LAMB1: variants seen among roughly 807,000 people sequenced by gnomAD.
LAMB1 encodes laminin subunit beta 1, also known as laminin subunit beta-1.
In LAMB1, 121 loss-of-function variants were observed where a neutral mutation model predicts 222.3. That is an observed-to-expected ratio of 0.54 (90% CI 0.47 to 0.63). LAMB1 has a LOEUF of 0.63. Ranked by LOEUF, LAMB1 falls within the 30% of genes least tolerant of loss-of-function variation. The pLI is 0.00. For synonymous variants in LAMB1, 794 were observed against 807.2 expected, an observed-to-expected ratio of 0.98 and a Z score of 0.28; for missense variants, 2,172 against 2,240.8, an observed-to-expected ratio of 0.97 and a Z score of 0.62.
rs74424122 is a variant in LAMB1, at chr7:107,961,537, C to T, written c.1985+12G>A. Reference sequence around the variant, plus strand: ...GAAGCCCGTTGAGCTGCCAAACCACCGTCACACTGACCTTGAGCCTGGTGA... The same window carrying T: ...GAAGCCCGTTGAGCTGCCAAACCACTGTCACACTGACCTTGAGCCTGGTGA... On this transcript the variant is annotated intron_variant, in intron 16 of 33. Transcript: ENST00000222399. 2,515 of 1,609,136 alleles carry T rather than the reference C, an allele frequency of 1.6e-3. 33 individuals carry two copies. The African/African-American group carries it at 0.03, about 19-fold the overall frequency.
At chr7:107,924,459 T>G (rs2032512247) in intron 32 of LAMB1, 70 bp from the exon 33 acceptor site, 7 of 1,235,632 alleles carry the variant, frequency 5.7e-6, no homozygotes, top group Non-Finnish European at 7.8e-6. Context: ...AGAGCAATAG[T>G]GTAATCATGG....
At chr7:107,930,311 G>GTTTTA (rs1175360530) in intron 29 of LAMB1, among the ~76,000 whole-genome samples, 2 of 152,192 alleles carry the variant, frequency 1.3e-5, no homozygotes, top group Non-Finnish European at 2.9e-5. Context: ...CTTTGCTTAT[G>GTTTTA]TTTTAAACTA....
rs753343053 is a variant in LAMB1, at chr7:107,929,513, A to G, written c.4644T>C (p.Arg1548=). ...CTTGAGAAAGGCTTTCAACTCGTTC[A>G]CGTATATCTTCTGTCAAGTTCTGTA... The part of the protein sequence containing the change: ...QQLQNLTEDI[R]ERVESLSQVE... The change falls in exon 30 of 34, where the codon CGT becomes CGC. Residue 1548 remains arginine (R), a synonymous_variant. Transcript: ENST00000222399. 1 of 1,614,110 alleles carries G rather than the reference A, an allele frequency of 6.2e-7. No homozygotes were observed. The highest frequency in any genetic ancestry group is 1.1e-5 in the South Asian group (1 of 91,074).
intron 5 of LAMB1, among the ~76,000 whole-genome samples, chr7:107,987,001 A>T (rs185697544): frequency 6.6e-6 from 1 of 152,356 alleles, no homozygotes; most frequent in Non-Finnish European, 1.5e-5. Flanking sequence ...TTGTACATGA[A>T]TGTTCACCAC....
rs1406458836 is a variant in LAMB1 at position 107,953,722 on chromosome 7, A to G, written c.2887T>C (p.Phe963Leu). Residue 963 changes from phenylalanine (F) to leucine (L), a missense_variant, in exon 22 of 34, where the codon TTT (phenylalanine) becomes CTT (leucine). By Grantham distance (22) the Phe-to-Leu change is conservative (BLOSUM62 0). Transcript: ENST00000222399. The stretch of plus-strand genomic sequence containing the variant: ...CCCCCAACTTCTGATGGATTGCCAA[A>G]GTATCCTGAGGCACAGTCGTCACAT... ...SRCDDCASGY[F>L]GNPSEVGGSC... 1.9e-6 allele frequency: 3 copies of G among 1,614,068 alleles called. No individual in the cohort carries two copies. Among genetic ancestry groups the G allele is most frequent in the African/African-American group, 1.3e-5 (1 of 74,926 alleles).
intron 17 of LAMB1, among the ~76,000 whole-genome samples, chr7:107,960,859 G>T (rs1429027991): frequency 5.9e-5 from 9 of 152,142 alleles, no homozygotes; most frequent in Non-Finnish European, 1.3e-4. Flanking sequence ...GCTTTTAAAT[G>T]CTATTTATTT....
intron 5 of LAMB1, among the ~76,000 whole-genome samples, chr7:107,992,761 G>A (rs2034209558): frequency 6.6e-6 from 1 of 152,146 alleles, no homozygotes; most frequent in Admixed American, 6.5e-5. Flanking sequence ...CAGGTGTGGT[G>A]GCATGTGCCT....
At chr7:107,933,300 C>A (rs992568328) in intron 27 of LAMB1, among the ~76,000 whole-genome samples, 1 of 152,134 alleles carries the variant, frequency 6.6e-6, no homozygotes, top group East Asian at 1.9e-4. Flanking sequence ...AAGGAGTTAA[C>A]AGAATATTCC....
At chr7:108,001,824 C>T (rs762227087) in intron 2 of LAMB1, 91 bp from the exon 3 acceptor site, 5 of 1,559,264 alleles carry the variant, frequency 3.2e-6, no homozygotes, top group South Asian at 1.2e-5. Context: ...GGAGTGGGTG[C>T]GGAGAGAGGA....
Position 107,959,815 on chromosome 7 carries a change from C to G in LAMB1, c.2334G>C (p.Gln778His), listed in dbSNP as rs2033458370. Residue 778 changes from glutamine to histidine, a missense_variant, in exon 19 of 34, where the codon CAG (glutamine) becomes CAC (histidine). Coordinates refer to ENST00000222399, the MANE Select transcript of LAMB1 (RefSeq NM_002291.3). The stretch of plus-strand genomic sequence containing the variant: ...GATCACACACGGAACTTAACGAACC[C>G]TGAGGGTCGCATTCACAAGCTGTGG... ...QTGLACECDP[Q>H]GSLSSVCDPN... 1.2e-6 allele frequency: 2 copies of G among 1,613,274 alleles called. No homozygotes were observed. The highest frequency in any genetic ancestry group is 2.2e-5 in the South Asian group (2 of 90,858).
chr7:107,949,167 A>G (rs1432670710), intron 24 of LAMB1, among the ~76,000 whole-genome samples: 2 of 152,234 alleles, frequency 1.3e-5, no homozygotes, highest in African/African-American at 2.4e-5. Context: ...TTTTGACCCA[A>G]ACAAGTTGAC....
At chr7:107,971,498 GACA>G (rs2033748260) in intron 13 of LAMB1, among the ~76,000 whole-genome samples, 2 of 152,180 alleles carry the variant, frequency 1.3e-5, no homozygotes, top group African/African-American at 2.4e-5. Context: ...CCTCTTGAGG[GACA>G]ACAACTTTGA....
At chr7:107,982,867 C>T (rs1156528490) in intron 7 of LAMB1, among the ~76,000 whole-genome samples, 2 of 152,092 alleles carry the variant, frequency 1.3e-5, no homozygotes, top group Non-Finnish European at 2.9e-5. Flanking sequence ...TGCATGCTTC[C>T]GTAACATAGA....
chr7:107,977,322 C>T (rs1429223611), intron 9 of LAMB1, among the ~76,000 whole-genome samples: 4 of 152,152 alleles, frequency 2.6e-5, no homozygotes, highest in East Asian at 3.9e-4. Flanking sequence ...GTGGTGTTGC[C>T]GGCTACATCT....
chr7:107,937,211 G>T lies in LAMB1; in HGVS notation c.3828C>A (p.Ser1276=), dbSNP rs1434485484. The T allele has an allele frequency of 6.2e-7, 1 of 1,613,932 alleles. No individual in the cohort carries two copies. Among genetic ancestry groups the T allele is most frequent in the South Asian group, 1.1e-5 (1 of 91,080 alleles). ...QVEVKLSDTT[S]QSNSTAKELD... is the part of the protein sequence containing the mutation. Reference sequence around the variant, plus strand: ...GTTCTTTGGCTGTGCTGTTGCTTTGGGAAGTTGTGTCAGATAATTTCACTT... The same window carrying T: ...GTTCTTTGGCTGTGCTGTTGCTTTGTGAAGTTGTGTCAGATAATTTCACTT... The change falls in exon 26 of 34, where the codon TCC becomes TCA. Residue 1276 remains serine (S), a synonymous_variant. Coordinates refer to ENST00000222399, the MANE Select transcript of LAMB1 (RefSeq NM_002291.3).
chr7:107,938,004 G>GGT (rs1200712925), intron 25 of LAMB1, among the ~76,000 whole-genome samples: 1 of 152,084 alleles, frequency 6.6e-6, no homozygotes, highest in Non-Finnish European at 1.5e-5. Context: ...TGTGGATATG[G>GGT]GTGTGTGTGT....
At position 107,968,403 on chromosome 7, in the gene LAMB1, C is replaced by G. The variant is rs145824182; in HGVS notation, c.1563-3716G>C. 6.3e-4 allele frequency among the ~76,000 whole-genome samples: 96 copies of G among 152,266 alleles called. 1 individual carries two copies. The East Asian group carries it at 0.018, about 29-fold the overall frequency. On this transcript the variant is annotated intron_variant, in intron 13 of 33. Coordinates refer to ENST00000222399, the MANE Select transcript of LAMB1 (RefSeq NM_002291.3). ...CTGTGTGAGGCAGAATAATGGCCCC[C>G]AAAGATGTCCACATCCTCATCCCTG...
intron 3 of LAMB1, among the ~76,000 whole-genome samples, chr7:108,000,757 G>A (rs190407239): frequency 6.6e-6 from 1 of 152,290 alleles, no homozygotes; most frequent in East Asian, 1.9e-4. Flanking sequence ...GTCCAGGCTG[G>A]TCTTGAACAC....
chr7:107,951,370 C>T, intron 23 of LAMB1, 48 bp from the exon 24 acceptor site: 2 of 1,550,960 alleles, frequency 1.3e-6, no homozygotes, highest in Non-Finnish European at 1.8e-6. Context: ...AGGCCAGAAG[C>T]CAGTTGTCAT....
Sources: allele counts gnomAD v4.1 joint callset (sites outside exome capture counted in the v4.1 genomes callset), GRCh38; gene constraint gnomAD v4.1.1; transcripts MANE v1.5; gene names NCBI Gene and HGNC (gene_info 2026-07-23, HGNC 2026-07-21).